BTG4: variants seen among roughly 807,000 people sequenced by gnomAD.
The protein encoded by BTG4 is protein BTG4.
Under a neutral mutation model 19.3 loss-of-function variants are expected in BTG4, and 10 were observed. That is an observed-to-expected ratio of 0.52 (90% confidence interval 0.32 to 0.88). BTG4 has a LOEUF of 0.88. Among genes scored for constraint, BTG4 ranks in the 40% least tolerant of loss-of-function variants. BTG4 has a pLI of 0.04. For missense variants in BTG4, 238 were observed against 281.9 expected (o/e 0.84, Z 1.11); for synonymous variants, 91 against 95.7 (o/e 0.95, Z 0.29).
the BTG4 span, among the ~76,000 whole-genome samples, chr11:111,409,707 G>A: frequency 7.1e-4 from 108 of 152,294 alleles, 1 homozygote; most frequent in African/African-American, 2.4e-3. Context: ...AGGGATATAA[G>A]TCATGCGCAC....
At chr11:111,462,598 G>A (rs73553257), downstream of BTG4, among the ~76,000 whole-genome samples, 102 of 152,318 alleles carry the variant, frequency 6.7e-4, no homozygotes, top group African/African-American at 1.7e-3. Flanking sequence ...CCCTGACTCC[G>A]ATAATCTATT....
chr11:111,506,649 CAG>C (rs1317402152), intron 1 of BTG4, among the ~76,000 whole-genome samples: 4 of 152,018 alleles, frequency 2.6e-5, no homozygotes, highest in African/African-American at 4.8e-5. Flanking sequence ...AAAATTAATT[CAG>C]AGTGTAAGAA....
chr11:111,434,613 T>G, the BTG4 span, among the ~76,000 whole-genome samples: 1 of 148,050 alleles, frequency 6.8e-6, no homozygotes, highest in Admixed American at 6.7e-5. Flanking sequence ...AAAAAAAGAG[T>G]TGGTGTGATA....
Position 111,512,302 on chromosome 11 carries a change from C to T in BTG4, c.-148G>A, listed in dbSNP as rs1867004703. The T allele has an allele frequency of 6.6e-6, 1 of 152,282 alleles. No individual in the cohort carries two copies. The highest frequency in any genetic ancestry group is 2.4e-5 in the African/African-American group (1 of 41,456). 9.4% of individuals were successfully genotyped at this position (152,282 alleles called of 1,614,324 possible). A position where few individuals can be genotyped will look rare whatever the true frequency, so the allele number is the denominator to read the frequency against. On this transcript the variant is annotated 5_prime_UTR_variant, in exon 1 of 5. Coordinates refer to ENST00000692032, the MANE Select transcript of BTG4 (RefSeq NM_001367975.1). ...CCTGCTAGATCAGAAAGAGAAACGT[C>T]TCAAGAATCTGGGCCTCCATCTTCT...
chr11:111,444,534 T>C, the BTG4 span, among the ~76,000 whole-genome samples: 2 of 152,114 alleles, frequency 1.3e-5, no homozygotes, highest in Admixed American at 1.3e-4. Context: ...GACCTACTAT[T>C]TGATAGCACA....
At chr11:111,477,417 C>T (rs1864460237) in intron 5 of BTG4, among the ~76,000 whole-genome samples, 1 of 152,090 alleles carries the variant, frequency 6.6e-6, no homozygotes, top group African/African-American at 2.4e-5. Flanking sequence ...TATTTACCAA[C>T]TATTATCAAA....
chr11:111,498,671 T>C lies in BTG4; in HGVS notation c.106A>G (p.Thr36Ala), dbSNP rs150621882. The C allele has an allele frequency of 6.2e-7, 1 of 1,613,848 alleles. No individual in the cohort carries two copies. The highest frequency in any genetic ancestry group is 8.5e-7 in the Non-Finnish European group (1 of 1,179,982). ...CTTCTGTATGTTTCAAACAAGATCG[T>C]CATCAGCTTTTCTGCAAAGTCTTCT... The part of the protein sequence containing the change: ...QIEDFAEKLM[T>A]ILFETYRSHW... The change falls in exon 2 of 5, where the codon ACG becomes GCG. Residue 36 changes from threonine (T) to alanine (A), a missense_variant. Thr to Ala is a moderately conservative substitution (Grantham distance 58, BLOSUM62 0). Transcript: ENST00000692032.
At chr11:111,473,179 T>C (rs556642716) in intron 5 of BTG4, 1 of 152,500 alleles carries the variant, frequency 6.6e-6, no homozygotes, top group African/African-American at 2.4e-5. Context: ...GAGATATTGC[T>C]TTAATTTAAA....
the BTG4 span, among the ~76,000 whole-genome samples, chr11:111,394,807 T>TA: frequency 6.6e-6 from 1 of 151,986 alleles, no homozygotes; most frequent in Non-Finnish European, 1.5e-5. Flanking sequence ...CATCTGGTGA[T>TA]AAAAACGACT....
chr11:111,421,640 C>A, the BTG4 span, among the ~76,000 whole-genome samples: 6 of 152,136 alleles, frequency 3.9e-5, no homozygotes, highest in African/African-American at 1.4e-4. Context: ...GGCGGCTGGG[C>A]GTGGTGGCTC....
At chr11:111,393,860 A>G in the BTG4 span, among the ~76,000 whole-genome samples, 1 of 152,230 alleles carries the variant, frequency 6.6e-6, no homozygotes, top group East Asian at 1.9e-4. Context: ...GGTACTGTCT[A>G]AAAAACTCCA....
the BTG4 span, among the ~76,000 whole-genome samples, chr11:111,410,183 C>CT: frequency 0.34 from 50,513 of 148,830 alleles, 8,648 homozygotes; most frequent in Admixed American, 0.43. Context: ...TTCTGAAACT[C>CT]TTTTTTTTTT....
chr11:111,468,211 C>T (rs1863837023), intron 5 of BTG4, among the ~76,000 whole-genome samples: 1 of 152,210 alleles, frequency 6.6e-6, no homozygotes, highest in Admixed American at 6.5e-5. Context: ...ATGGTACTCT[C>T]CACACATTTC....
chr11:111,389,539 T>C, the BTG4 span, among the ~76,000 whole-genome samples: 1 of 152,180 alleles, frequency 6.6e-6, no homozygotes, highest in Non-Finnish European at 1.5e-5. Context: ...AGTCAATACC[T>C]GGGTATCCAT....
At chr11:111,484,159 T>C (rs906128942) in intron 5 of BTG4, among the ~76,000 whole-genome samples, 3 of 151,894 alleles carry the variant, frequency 2.0e-5, no homozygotes, top group Non-Finnish European at 2.9e-5. Flanking sequence ...AATACTTTCA[T>C]AGAAAAACAA....
intron 1 of BTG4, among the ~76,000 whole-genome samples, chr11:111,501,380 A>T (rs1040728739): frequency 2.7e-5 from 4 of 150,034 alleles, no homozygotes; most frequent in Admixed American, 1.3e-4. Context: ...TCAAAAAAAT[A>T]AAAAAAACCT....
chr11:111,475,659 C>T (rs1194524806), intron 5 of BTG4, among the ~76,000 whole-genome samples: 1 of 152,124 alleles, frequency 6.6e-6, no homozygotes, highest in Non-Finnish European at 1.5e-5. Flanking sequence ...CAGATACAAA[C>T]TTCAACTCAA....
At chr11:111,442,546 C>CACACACACA in the BTG4 span, among the ~76,000 whole-genome samples, 7,672 of 141,542 alleles carry the variant, frequency 0.054, 347 homozygotes, top group Admixed American at 0.13. Context: ...ACACACACAC[C>CACACACACA]AGATGAGCCT....
At chr11:111,467,293 C>G (rs1278064846), downstream of BTG4, among the ~76,000 whole-genome samples, 2 of 152,208 alleles carry the variant, frequency 1.3e-5, no homozygotes, top group African/African-American at 4.8e-5. Context: ...AGGTTAAAAT[C>G]TAGGCATCAT....
Sources: gnomAD v4.1 joint callset for allele counts (sites outside exome capture counted in the v4.1 genomes callset) on GRCh38, gnomAD v4.1.1 for gene constraint, MANE v1.5 for transcripts, NCBI Gene and HGNC (gene_info 2026-07-23, HGNC 2026-07-21) for gene names.